TANK: variants seen among roughly 807,000 people sequenced by gnomAD.
TANK encodes TRAF family member associated NFKB activator, also known as TRAF family member-associated NF-kappa-B activator.
A neutral mutation model predicts 43.6 loss-of-function variants in TANK; 15 were observed. That is an observed-to-expected ratio of 0.34 (90% CI 0.23 to 0.53). TANK has a LOEUF of 0.53. TANK is among the 20% of genes least tolerant of loss of function. TANK has a pLI of 0.94. For missense variants in TANK, 417 were observed against 498.6 expected (o/e 0.84, Z 1.56); for synonymous variants, 162 against 178.2 (o/e 0.91, Z 0.73).
rs564942367 is a variant in TANK at position 161,181,914 on chromosome 2, C to T, written c.99+2153C>T. Among the ~76,000 whole-genome samples the T allele has an allele frequency of 1.8e-4, 28 of 151,674 alleles. 1 individual carries two copies. The highest frequency in any genetic ancestry group is 1.6e-3 in the Admixed American group (25 of 15,252). On this transcript the variant is annotated intron_variant, in intron 2 of 7. Coordinates refer to ENST00000392749, the MANE Select transcript of TANK (RefSeq NM_001199135.3). ...AAGTGAGAGATCTTATGTTGGTTTT[C>T]CCAATTAAAAAAAAAAATTACTAGC...
At chr2:161,184,305 T>A (rs1393716835) in intron 2 of TANK, among the ~76,000 whole-genome samples, 3 of 152,128 alleles carry the variant, frequency 2.0e-5, no homozygotes, top group Non-Finnish European at 4.4e-5. Flanking sequence ...TACAGAACAA[T>A]GTGAAATTGA....
chr2:161,192,624 A>G (rs1255325175), intron 2 of TANK, among the ~76,000 whole-genome samples: 1 of 152,194 alleles, frequency 6.6e-6, no homozygotes, highest in Non-Finnish European at 1.5e-5. Flanking sequence ...AAAATACCAG[A>G]CAATTTCAGA....
At chr2:161,194,422 C>T (rs1686054045) in intron 2 of TANK, among the ~76,000 whole-genome samples, 1 of 151,982 alleles carries the variant, frequency 6.6e-6, no homozygotes, top group African/African-American at 2.4e-5. Context: ...GTATTAACTG[C>T]TTTTTCTTTG....
At chr2:161,179,570 T>A in intron 1 of TANK, 44 bp from the exon 2 acceptor site, 2 of 1,521,246 alleles carry the variant, frequency 1.3e-6, no homozygotes, top group Non-Finnish European at 1.8e-6. Context: ...AAATGAGGTT[T>A]ATGTAACTTA....
chr2:161,168,533 A>AG (rs1339341690), intron 1 of TANK, among the ~76,000 whole-genome samples: 2 of 152,124 alleles, frequency 1.3e-5, no homozygotes, highest in Non-Finnish European at 2.9e-5. Flanking sequence ...GTTTTCAAAG[A>AG]GAAAAAAATC....
intron 1 of TANK, among the ~76,000 whole-genome samples, chr2:161,176,346 T>C (rs1039761639): frequency 3.9e-5 from 6 of 152,170 alleles, no homozygotes; most frequent in Non-Finnish European, 7.4e-5. Context: ...CACCTAATTA[T>C]CTTCTTGGTT....
intron 1 of TANK, among the ~76,000 whole-genome samples, chr2:161,165,233 A>G (rs929262273): frequency 6.6e-6 from 1 of 152,176 alleles, no homozygotes; most frequent in African/African-American, 2.4e-5. Flanking sequence ...TAGTTGCAGT[A>G]TGAGAATTGT....
At chr2:161,187,373 G>C (rs1032049079) in intron 2 of TANK, among the ~76,000 whole-genome samples, 7 of 152,134 alleles carry the variant, frequency 4.6e-5, no homozygotes, top group Admixed American at 3.9e-4. Flanking sequence ...AGGCTGCAGT[G>C]AGCCATGTTT....
At chr2:161,154,964 C>T (rs986241743) in intron 1 of TANK, among the ~76,000 whole-genome samples, 1 of 152,138 alleles carries the variant, frequency 6.6e-6, no homozygotes, top group South Asian at 2.1e-4. Flanking sequence ...AGGCTGGTCT[C>T]GAACTCCTGG....
chr2:161,174,432 C>T (rs1294337016), intron 1 of TANK, among the ~76,000 whole-genome samples: 2 of 152,128 alleles, frequency 1.3e-5, no homozygotes, highest in Non-Finnish European at 2.9e-5. Context: ...CCTTGCTTCT[C>T]ACCATTGTGA....
upstream of TANK, among the ~76,000 whole-genome samples, chr2:161,155,449 C>T (rs1032055760): frequency 3.3e-5 from 5 of 152,084 alleles, no homozygotes; most frequent in African/African-American, 9.7e-5. Flanking sequence ...GACTCCTTCT[C>T]GAATAAGGGA....
intron 2 of TANK, among the ~76,000 whole-genome samples, chr2:161,196,885 T>C (rs1686176876): frequency 6.6e-6 from 1 of 152,160 alleles, no homozygotes; most frequent in Admixed American, 6.5e-5. Context: ...GGAAGGTTGG[T>C]TTAAGGATTA....
At chr2:161,143,282 ACTT>A (rs1406699632) in intron 1 of TANK, among the ~76,000 whole-genome samples, 6 of 152,070 alleles carry the variant, frequency 3.9e-5, no homozygotes, top group Non-Finnish European at 5.9e-5. Flanking sequence ...AGACAATTTG[ACTT>A]CTTCTCTTCC....
upstream of TANK, chr2:161,159,220 T>C (rs1400837745): frequency 6.6e-6 from 1 of 152,252 alleles, no homozygotes; most frequent in Non-Finnish European, 1.5e-5. Flanking sequence ...TGAAAACTTA[T>C]GTCCGCACAA....
rs1282448465 is a variant in TANK at position 161,182,562 on chromosome 2, C to T, written c.99+2801C>T. Among the ~76,000 whole-genome samples, 4 of 152,076 alleles carry T rather than the reference C, an allele frequency of 2.6e-5. No homozygotes were observed. The East Asian group carries it at 7.7e-4, about 29-fold the overall frequency. ...GTGAGGTCTGAAAGGGTCCCAAATA[C>T]AGGAGCTTCTGTCTTTGGGGAGTTG... On this transcript the variant is annotated intron_variant, in intron 2 of 7. Transcript: ENST00000392749.
At chr2:161,230,768 G>A (rs965776314) in intron 6 of TANK, among the ~76,000 whole-genome samples, 5 of 152,162 alleles carry the variant, frequency 3.3e-5, no homozygotes, top group African/African-American at 7.2e-5. Context: ...GTTAAATTGC[G>A]ACTAATAAGC....
chr2:161,212,430 A>G lies in TANK; in HGVS notation c.327+7637A>G, dbSNP rs932642388. The G allele has an allele frequency of 3.6e-5, 35 of 983,566 alleles. No homozygotes were observed. In the African/African-American group the frequency reaches 4.4e-4, roughly 12 times the overall value. The allele number at this position is 983,566 out of a possible 1,614,324, so 60.9% of individuals were successfully genotyped here. On this transcript the variant is annotated intron_variant, in intron 4 of 7. Transcript: ENST00000392749. The stretch of plus-strand genomic sequence containing the variant: ...TTTAATAATTACATTGAAATTTTCT[A>G]TTGCAGAAACTGTGTTTCCAATCTA...
chr2:161,200,917 T>C (rs144964268), intron 2 of TANK: 623 of 182,376 alleles, frequency 3.4e-3, no homozygotes, highest in Non-Finnish European at 5.2e-3. Context: ...AGTTAATTAG[T>C]TTGTTTATTC....
Position 161,169,574 on chromosome 2 carries a change from A to G in TANK, c.-50+9088A>G, listed in dbSNP as rs1684851982. On this transcript the variant is annotated intron_variant, in intron 1 of 7. Transcript: ENST00000392749. The stretch of plus-strand genomic sequence containing the variant: ...TGGCAGTATTACATGTTATTTAGGG[A>G]TACAGAGATAAATACAAAAAAGAAT... Among the ~76,000 whole-genome samples the G allele has an allele frequency of 2.6e-5, 4 of 152,326 alleles. No homozygotes were observed. The South Asian group carries it at 8.3e-4, about 32-fold the overall frequency.
Sources: allele counts gnomAD v4.1 joint callset (sites outside exome capture counted in the v4.1 genomes callset), GRCh38; gene constraint gnomAD v4.1.1; transcripts MANE v1.5; gene names NCBI Gene and HGNC (gene_info 2026-07-23, HGNC 2026-07-21).